Variants in ERCC6 observed in about 807,000 individuals in gnomAD.
ERCC6 encodes the protein DNA excision repair protein ERCC-6.
Under a neutral mutation model 158.7 loss-of-function variants are expected in ERCC6, and 116 were observed. That is an observed-to-expected ratio of 0.73 (90% CI 0.63 to 0.85). The LOEUF (loss-of-function observed/expected upper bound fraction) is 0.85. ERCC6 is among the 40% of genes least tolerant of loss of function. ERCC6 has a pLI of 0.00. For synonymous variants in ERCC6, 678 were observed against 659.3 expected (o/e 1.03, Z -0.43); for missense variants, 1,698 against 1,799.4 (o/e 0.94, Z 1.02).
chr10:49,528,670 T>C (rs893777446), intron 3 of ERCC6, 145 bp from the exon 4 acceptor site: 2 of 1,058,598 alleles, frequency 1.9e-6, no homozygotes, highest in African/African-American at 3.2e-5. Context: ...ACATTACTAT[T>C]ACTAGAGAGC....
chr10:49,470,042 T>C (rs892708992), intron 18 of ERCC6, 140 bp downstream of exon 18: 7 of 798,636 alleles, frequency 8.8e-6, no homozygotes, highest in African/African-American at 1.7e-5. Context: ...GTCAATATAT[T>C]TCAAATCTAA....
intron 4 of ERCC6, chr10:49,525,227 C>G (rs991120236): frequency 1.6e-5 from 3 of 188,698 alleles, no homozygotes; most frequent in African/African-American, 7.2e-5. Flanking sequence ...CACCATGTAC[C>G]TAAAAAGGAA....
intron 7 of ERCC6, among the ~76,000 whole-genome samples, chr10:49,494,533 T>C (rs1474904201): frequency 6.6e-6 from 1 of 152,176 alleles, no homozygotes; most frequent in Non-Finnish European, 1.5e-5. Flanking sequence ...TCTCCCTTTT[T>C]CCTGAAGAAT....
the ERCC6 span, among the ~76,000 whole-genome samples, chr10:49,435,559 T>G: frequency 2.0e-5 from 3 of 152,194 alleles, no homozygotes. Context: ...TTCAACACTT[T>G]AAATAGCTTA....
intron 5 of ERCC6, among the ~76,000 whole-genome samples, chr10:49,522,364 T>C (rs1837190375): frequency 6.6e-6 from 1 of 152,222 alleles, no homozygotes; most frequent in Non-Finnish European, 1.5e-5. Context: ...ATAACAAATA[T>C]TTCAATGTGG....
At chr10:49,443,762 C>A in the ERCC6 span, among the ~76,000 whole-genome samples, 15 of 152,202 alleles carry the variant, frequency 9.9e-5, no homozygotes, top group Non-Finnish European at 2.2e-4. Context: ...CTGCCTACAG[C>A]AATCAGTACA....
At position 49,532,720 on chromosome 10, in the gene ERCC6, G is replaced by A; in HGVS notation, c.245C>T (p.Ala82Val). 3.1e-6 allele frequency: 5 copies of A among 1,614,210 alleles called. No individual in the cohort carries two copies. The highest frequency in any genetic ancestry group is 2.5e-6 in the Non-Finnish European group (3 of 1,180,042). ...AAGGGCCTGGGCGCTAGGCTCTACTGCCTGGATCTGATGTCGGTCGATGTG... is the reference window on the plus strand; with the variant it reads ...AAGGGCCTGGGCGCTAGGCTCTACTACCTGGATCTGATGTCGGTCGATGTG... ...LLHIDRHQIQ[A>V]VEPSAQALEL... is the part of the protein sequence containing the mutation. The change falls in exon 2 of 21, where the codon GCA (alanine) becomes GTA (valine). Residue 82 changes from alanine (A) to valine (V), a missense_variant. By Grantham distance (64) the Ala-to-Val change is moderately conservative (BLOSUM62 0). Transcript: ENST00000355832.
chr10:49,479,761 C>G (rs959570349), intron 10 of ERCC6, among the ~76,000 whole-genome samples: 1 of 152,212 alleles, frequency 6.6e-6, no homozygotes, highest in Non-Finnish European at 1.5e-5. Context: ...CAGGGCTAGG[C>G]TGGGGAACGG....
chr10:49,460,178 C>G, intron 20 of ERCC6, 195 bp downstream of exon 20: 1 of 632,684 alleles, frequency 1.6e-6, no homozygotes, highest in Non-Finnish European at 2.8e-6. Flanking sequence ...GGGTTAAAGA[C>G]TTTGTCTTTA....
At position 49,471,036 on chromosome 10, in the gene ERCC6, C is replaced by T. The variant is rs758877704; in HGVS notation, c.3009G>A (p.Glu1003=). 1 of 1,614,040 alleles carries T rather than the reference C, an allele frequency of 6.2e-7. No homozygotes were observed. The highest frequency in any genetic ancestry group is 1.1e-5 in the South Asian group (1 of 91,084). The change falls in exon 17 of 21, where the codon GAG becomes GAA. Residue 1003 remains glutamate (E), a synonymous_variant. Transcript: ENST00000355832. ...CATCAGGACTAGTCAGAGTAAATAG[C>T]TCATAGAGATCATTGGATTTGAAAA... The part of the protein sequence containing the change: ...RRFFKSNDLY[E]LFTLTSPDAS...
At chr10:49,468,735 G>A (rs1178492809) in intron 18 of ERCC6, among the ~76,000 whole-genome samples, 1 of 152,194 alleles carries the variant, frequency 6.6e-6, no homozygotes, top group Non-Finnish European at 1.5e-5. Flanking sequence ...AACACTCTGA[G>A]AACCCGGATC....
At position 49,517,101 on chromosome 10, in the gene ERCC6, A is replaced by G. The variant is rs1189948326; in HGVS notation, c.1397+6932T>C. On this transcript the variant is annotated intron_variant, in intron 5 of 20. Coordinates refer to ENST00000355832, the MANE Select transcript of ERCC6 (RefSeq NM_000124.4). ...AAGGTCAGTTATTTCATGTAAACTT[A>G]GTGTTCGAGGCATCTTGGGACTAAA... 3.8e-6 allele frequency: 6 copies of G among 1,595,484 alleles called. No homozygotes were observed. The Admixed American group carries it at 1.0e-4, about 27-fold the overall frequency.
intron 5 of ERCC6, chr10:49,515,578 G>GA: frequency 2.5e-6 from 4 of 1,614,080 alleles, no homozygotes; most frequent in South Asian, 1.1e-5. Context: ...CGAAACTCCA[G>GA]AAAATCCACT....
At chr10:49,473,733 A>C (rs1396892067) in intron 13 of ERCC6, 146 bp from the exon 14 acceptor site, 1 of 719,602 alleles carries the variant, frequency 1.4e-6, no homozygotes, top group Non-Finnish European at 2.5e-6. Flanking sequence ...CAGAACTGTT[A>C]AAAGAGTATT....
downstream of ERCC6, among the ~76,000 whole-genome samples, chr10:49,451,599 T>C (rs138107369): frequency 4.6e-3 from 696 of 152,366 alleles, 4 homozygotes; most frequent in African/African-American, 0.015. Flanking sequence ...GCCAATCTTA[T>C]ATCCCTGGGA....
At chr10:49,478,749 T>C (rs1190509145) in intron 10 of ERCC6, among the ~76,000 whole-genome samples, 1 of 152,208 alleles carries the variant, frequency 6.6e-6, no homozygotes, top group Non-Finnish European at 1.5e-5. Context: ...CTTATTTCTC[T>C]TATACACTTT....
At chr10:49,520,678 T>C (rs1837132409) in intron 5 of ERCC6, among the ~76,000 whole-genome samples, 2 of 152,236 alleles carry the variant, frequency 1.3e-5, no homozygotes, top group South Asian at 2.1e-4. Context: ...AACTGCACAC[T>C]CTTCCCAATC....
intron 7 of ERCC6, among the ~76,000 whole-genome samples, chr10:49,499,874 T>G (rs1851327447): frequency 6.6e-6 from 1 of 152,192 alleles, no homozygotes; most frequent in African/African-American, 2.4e-5. Flanking sequence ...AACATAGTTT[T>G]CTACCATTTT....
intron 5 of ERCC6, among the ~76,000 whole-genome samples, chr10:49,519,913 T>C (rs906131512): frequency 6.6e-6 from 1 of 152,018 alleles, no homozygotes; most frequent in Non-Finnish European, 1.5e-5. Flanking sequence ...TGCCTCAGAC[T>C]CCCCACGCTG....
Sources: allele counts gnomAD v4.1 joint callset (sites outside exome capture counted in the v4.1 genomes callset), GRCh38; gene constraint gnomAD v4.1.1; transcripts MANE v1.5; gene names NCBI Gene and HGNC (gene_info 2026-07-23, HGNC 2026-07-21).